The following AADAT variants were observed in gnomAD, a reference collection of about 807,000 sequenced individuals.
AADAT encodes the protein kynurenine/alpha-aminoadipate aminotransferase, mitochondrial.
Under a neutral mutation model 56.2 loss-of-function variants are expected in AADAT, and 25 were observed. That is an observed-to-expected ratio of 0.44 (90% CI 0.32 to 0.62). The LOEUF (loss-of-function observed/expected upper bound fraction) is 0.62, where lower values mean the gene tolerates loss of function less well. Ranked by LOEUF, AADAT falls within the 20% of genes least tolerant of loss-of-function variation. The probability of loss-of-function intolerance (pLI) is 0.04; values close to 1 mark genes in which losing one functional copy is unlikely to be tolerated. For synonymous variants in AADAT, 173 were observed against 164.7 expected, an observed-to-expected ratio of 1.05 and a Z score of -0.39; for missense variants, 387 against 510.5, an observed-to-expected ratio of 0.76 and a Z score of 2.33.
At chr4:170,071,010 T>C (rs945571804) in intron 5 of AADAT, among the ~76,000 whole-genome samples, 1 of 152,240 alleles carries the variant, frequency 6.6e-6, no homozygotes, top group Admixed American at 6.5e-5. Context: ...CCTCCTGGGC[T>C]CAAGTGATTC....
intron 8 of AADAT, 38 bp from the exon 9 acceptor site, chr4:170,067,426 C>A (rs766009389): frequency 3.2e-6 from 5 of 1,552,790 alleles, no homozygotes; most frequent in Non-Finnish European, 2.7e-6. Flanking sequence ...TGTTTCATCC[C>A]CTGAAAATGT....
At chr4:170,092,408 C>T (rs561362458), upstream of AADAT, among the ~76,000 whole-genome samples, 25 of 152,364 alleles carry the variant, frequency 1.6e-4, no homozygotes, top group South Asian at 5.0e-3. Flanking sequence ...CAGCTTCACG[C>T]CAGCAGCCAG....
At chr4:170,091,850 G>C (rs1581605105), upstream of AADAT, among the ~76,000 whole-genome samples, 1 of 152,224 alleles carries the variant, frequency 6.6e-6, no homozygotes. Flanking sequence ...TTTATGTCTA[G>C]CTAAGGGATT....
intron 3 of AADAT, among the ~76,000 whole-genome samples, chr4:170,086,095 A>G (rs1378632338): frequency 6.6e-6 from 1 of 152,178 alleles, no homozygotes; most frequent in Non-Finnish European, 1.5e-5. Context: ...GAATATAAAA[A>G]TTAGCTAGGC....
chr4:170,071,001 C>A (rs1406236414), intron 5 of AADAT, among the ~76,000 whole-genome samples: 1 of 152,230 alleles, frequency 6.6e-6, no homozygotes, highest in East Asian at 1.9e-4. Flanking sequence ...CAACCTCTGC[C>A]TCCTGGGCTC....
intron 4 of AADAT, among the ~76,000 whole-genome samples, chr4:170,073,686 C>A (rs922906312): frequency 1.4e-4 from 21 of 151,644 alleles, no homozygotes; most frequent in East Asian, 1.2e-3. Flanking sequence ...TTTTTAGTAG[C>A]GATGGGGTTT....
rs1198839695 is a variant in AADAT, at chr4:170,068,596, T to C, written c.895A>G (p.Asn299Asp). 6.3e-7 allele frequency: 1 copy of C among 1,593,940 alleles called. No homozygotes were observed. ...ATTTCCTAAATTGTCCTTACCTGGT[T>C]AAAAGTGCTGGGGTGCAATGTTGAA... ...QVSTLHPSTFNQLMISQLLHE... is the reference protein window; with the variant it reads ...QVSTLHPSTFDQLMISQLLHE... Residue 299 changes from asparagine to aspartate, a missense_variant, in exon 8 of 13, where the codon AAC becomes GAC. Transcript: ENST00000337664.
rs751679865 is a variant in AADAT at position 170,069,245 on chromosome 4, T to A, written c.721-15A>T. The A allele has an allele frequency of 3.1e-6, 5 of 1,604,518 alleles. No individual in the cohort carries two copies. The highest frequency in any genetic ancestry group is 4.3e-6 in the Non-Finnish European group (5 of 1,172,380). ...GGTACCCTGAACTTAAAATGAAAAA[T>A]AAAAAATACTGTTGGTCTGAAAGCT... On this transcript the variant is annotated splice_polypyrimidine_tract_variant and intron_variant, in intron 6 of 12. Transcript: ENST00000337664.
At chr4:170,092,061 A>C (rs931542125), upstream of AADAT, among the ~76,000 whole-genome samples, 1 of 152,244 alleles carries the variant, frequency 6.6e-6, no homozygotes, top group Non-Finnish European at 1.5e-5. Context: ...TGGACCAATC[A>C]GCTCTGAAAA....
chr4:170,061,411 T>A (rs144729959), intron 12 of AADAT, among the ~76,000 whole-genome samples: 1 of 152,300 alleles, frequency 6.6e-6, no homozygotes, highest in Non-Finnish European at 1.5e-5. Context: ...AAATATAAAC[T>A]CTTCTCAAGG....
In AADAT at chr4:170,070,602, A is replaced by T. The variant is rs1731708121; in HGVS notation, c.705T>A (p.Phe235Leu). The change falls in exon 6 of 13, where the codon TTT (phenylalanine) becomes TTA (leucine). Residue 235 changes from phenylalanine (F) to leucine (L), a missense_variant. By Grantham distance (22) the Phe-to-Leu change is conservative. Transcript: ENST00000337664. ...FLIIEDDPYYFLQFNKFRVPT... is the reference protein window; with the variant it reads ...FLIIEDDPYYLLQFNKFRVPT... ...AATCACTTACCTTGTTAAACTGGAGAAAATAGTAAGGATCATCTTCTATTA... is the reference window on the plus strand; with the variant it reads ...AATCACTTACCTTGTTAAACTGGAGTAAATAGTAAGGATCATCTTCTATTA... 6.3e-7 allele frequency: 1 copy of T among 1,582,006 alleles called. No individual in the cohort carries two copies. Among genetic ancestry groups the T allele is most frequent in the Non-Finnish European group, 8.6e-7 (1 of 1,157,504 alleles).
chr4:170,065,035 A>T (rs1731380985), intron 10 of AADAT, among the ~76,000 whole-genome samples: 1 of 152,124 alleles, frequency 6.6e-6, no homozygotes, highest in Admixed American at 6.6e-5. Flanking sequence ...TGGGTGAGGG[A>T]AGAAGGGAGG....
At position 170,064,940 on chromosome 4, in the gene AADAT, G is replaced by C; in HGVS notation, c.1028-115C>G. ...AGTAGAAACTAGTATTCCTAAAAAA[G>C]TTCCTTCAATTATAGCATTTTTAAA... On this transcript the variant is annotated intron_variant, in intron 10 of 12. Transcript: ENST00000337664. 3.8e-6 allele frequency: 3 copies of C among 780,184 alleles called. No individual in the cohort carries two copies. In the South Asian group the frequency reaches 5.6e-5, roughly 15 times the overall value. The allele number at this position is 780,184 out of a possible 1,614,324, so 48.3% of individuals were successfully genotyped here.
chr4:170,084,006 T>C (rs1732436076), intron 3 of AADAT, among the ~76,000 whole-genome samples: 1 of 152,130 alleles, frequency 6.6e-6, no homozygotes, highest in South Asian at 2.1e-4. Flanking sequence ...AGCTGATGAA[T>C]GGATAAGGAA....
intron 6 of AADAT, 111 bp downstream of exon 6, chr4:170,070,476 A>G: frequency 1.4e-6 from 1 of 696,952 alleles, no homozygotes. Context: ...TTTATTTTCC[A>G]TGTAAAAGTG....
intron 3 of AADAT, among the ~76,000 whole-genome samples, chr4:170,083,390 G>A (rs1732408687): frequency 6.6e-6 from 1 of 152,072 alleles, no homozygotes; most frequent in Non-Finnish European, 1.5e-5. Context: ...ACAGTACTAA[G>A]AGGAAAGTTT....
At chr4:170,093,816 T>C (rs1221117657), upstream of AADAT, among the ~76,000 whole-genome samples, 2 of 152,346 alleles carry the variant, frequency 1.3e-5, 1 homozygote, top group Non-Finnish European at 2.9e-5. Context: ...CAGTCTAGTC[T>C]TGAAGTCCTG....
chr4:170,061,486 A>T (rs1731185412), intron 12 of AADAT, among the ~76,000 whole-genome samples: 1 of 152,226 alleles, frequency 6.6e-6, no homozygotes, highest in Admixed American at 6.5e-5. Context: ...TATTTTGGTT[A>T]AAGCTAGATT....
At position 170,086,420 on chromosome 4, in the gene AADAT, A is replaced by G. The variant is rs192522640; in HGVS notation, c.369+696T>C. Among the ~76,000 whole-genome samples, 8 of 152,204 alleles carry G rather than the reference A, an allele frequency of 5.3e-5. No individual in the cohort carries two copies. The East Asian group carries it at 5.8e-4, about 11-fold the overall frequency. The stretch of plus-strand genomic sequence containing the variant: ...GGAGAGGGAGAGAGAACCAATCCAT[A>G]TAAGAAGTCAGAAATACAGACATAT... On this transcript the variant is annotated intron_variant, in intron 3 of 12. Coordinates refer to ENST00000337664, the MANE Select transcript of AADAT (RefSeq NM_016228.4).
Sources: allele counts gnomAD v4.1 joint callset (sites outside exome capture counted in the v4.1 genomes callset), GRCh38; gene constraint gnomAD v4.1.1; transcripts MANE v1.5; gene names NCBI Gene and HGNC (gene_info 2026-07-23, HGNC 2026-07-21).